The following CCDC141 variants were observed in gnomAD, a reference collection of about 807,000 sequenced individuals.
The protein encoded by CCDC141 is coiled-coil domain containing 141, also known as coiled-coil domain-containing protein 141.
A neutral mutation model predicts 181.0 loss-of-function variants in CCDC141; 168 were observed. The observed-to-expected ratio is 0.93, with a 90% CI of 0.82 to 1.05. The LOEUF is 1.05. CCDC141 is among the 50% of genes least tolerant of loss of function. The pLI is 0.00. For synonymous variants in CCDC141, 666 were observed against 642.3 expected (o/e 1.04, Z -0.56); for missense variants, 1,902 against 1,788.5 (o/e 1.06, Z -1.14).
chr2:179,030,370 T>A (rs2042969141), intron 2 of CCDC141, among the ~76,000 whole-genome samples: 1 of 152,088 alleles, frequency 6.6e-6, no homozygotes. Context: ...AACAAAATCC[T>A]TTTAGCTATT....
At chr2:178,899,053 A>G (rs561462911) in intron 8 of CCDC141, among the ~76,000 whole-genome samples, 3 of 152,290 alleles carry the variant, frequency 2.0e-5, no homozygotes, top group Admixed American at 2.0e-4. Context: ...ACAGTTATAC[A>G]CTGTATAACA....
At chr2:178,820,564 T>A in the CCDC141 span, among the ~76,000 whole-genome samples, 2,222 of 152,324 alleles carry the variant, frequency 0.015, 50 homozygotes, top group African/African-American at 0.05. Context: ...AAGAAAATTG[T>A]GAACTATATT....
chr2:178,974,412 A>G lies in CCDC141; in HGVS notation c.526+645T>C, dbSNP rs2154380313. Among the ~76,000 whole-genome samples, 2 of 152,310 alleles carry G rather than the reference A, an allele frequency of 1.3e-5. 1 individual carries two copies. Among genetic ancestry groups the G allele is most frequent in the African/African-American group, 4.8e-5 (2 of 41,574 alleles). On this transcript the variant is annotated intron_variant, in intron 4 of 23. Coordinates refer to ENST00000443758, the MANE Select transcript of CCDC141 (RefSeq NM_173648.4). ...CCATTGCAAAAGATGACAGGTAACT[A>G]CTACTTTTCCACAAATGCGTTTCCC...
intron 4 of CCDC141, among the ~76,000 whole-genome samples, chr2:178,964,714 C>T (rs1690548903): frequency 6.6e-6 from 1 of 152,090 alleles, no homozygotes; most frequent in Non-Finnish European, 1.5e-5. Flanking sequence ...TTACATTTTC[C>T]TAGCTATTTA....
At chr2:178,877,618 T>C (rs1475550278) in intron 12 of CCDC141, 1 of 310,394 alleles carries the variant, frequency 3.2e-6, no homozygotes, top group African/African-American at 2.2e-5. Flanking sequence ...AAGTTGTCTT[T>C]AGCCCCTAGA....
Position 178,945,612 on chromosome 2 carries a change from T to C in CCDC141, c.781-961A>G, listed in dbSNP as rs138950672. On this transcript the variant is annotated intron_variant, in intron 5 of 23. Transcript: ENST00000443758. ...TGAGTTATTTAAGGTCTTACAGCCC[T>C]GCCATCAGCGGGAATGACTTCAAAT... is the stretch of plus-strand genomic sequence containing the variant. Among the ~76,000 whole-genome samples, 15 of 152,254 alleles carry C rather than the reference T, an allele frequency of 9.9e-5. No homozygotes were observed. The East Asian group carries it at 2.9e-3, about 29-fold the overall frequency.
chr2:178,840,698 G>C (rs1684683603), intron 22 of CCDC141, among the ~76,000 whole-genome samples: 1 of 152,198 alleles, frequency 6.6e-6, no homozygotes, highest in Non-Finnish European at 1.5e-5. Context: ...CAGGCATGAA[G>C]TTTAGGGAAA....
chr2:179,007,862 A>C (rs1170026790), intron 2 of CCDC141, among the ~76,000 whole-genome samples: 1 of 152,224 alleles, frequency 6.6e-6, no homozygotes, highest in Non-Finnish European at 1.5e-5. Flanking sequence ...TATATGTCTG[A>C]ATTAACTACC....
At position 178,855,379 on chromosome 2, in the gene CCDC141, G is replaced by A; in HGVS notation, c.3028C>T (p.Leu1010=). Reference sequence around the variant, plus strand: ...ATCACCTCCTGGAAATGCTCAGTCAGGTCCAAATTCTTCTTGTAATCTGTC... The same window carrying A: ...ATCACCTCCTGGAAATGCTCAGTCAAGTCCAAATTCTTCTTGTAATCTGTC... ...VVTDYKKNLD[L]TEHFQEVIEE... Residue 1010 remains leucine, a synonymous_variant, in exon 19 of 24, where the codon CTG becomes TTG. Coordinates refer to ENST00000443758, the MANE Select transcript of CCDC141 (RefSeq NM_173648.4). 1.2e-6 allele frequency: 2 copies of A among 1,611,870 alleles called. No homozygotes were observed. The highest frequency in any genetic ancestry group is 1.7e-6 in the Non-Finnish European group (2 of 1,179,294).
At chr2:178,920,846 G>A (rs182618816) in intron 6 of CCDC141, among the ~76,000 whole-genome samples, 1 of 152,230 alleles carries the variant, frequency 6.6e-6, no homozygotes, top group East Asian at 1.9e-4. Flanking sequence ...AAAACATTTT[G>A]ATCAATGAAT....
intron 3 of CCDC141, among the ~76,000 whole-genome samples, chr2:178,975,515 A>C (rs1225889171): frequency 6.6e-6 from 1 of 152,152 alleles, no homozygotes. Flanking sequence ...TCAACATTCT[A>C]AGGCACTTAG....
chr2:178,979,015 C>T (rs2154380819), intron 2 of CCDC141, among the ~76,000 whole-genome samples: 1 of 151,962 alleles, frequency 6.6e-6, no homozygotes, highest in East Asian at 1.9e-4. Context: ...AAGAACACAC[C>T]CTGAAGAGTG....
intron 7 of CCDC141, among the ~76,000 whole-genome samples, chr2:178,909,112 T>C (rs1688109704): frequency 6.6e-6 from 1 of 152,154 alleles, no homozygotes; most frequent in African/African-American, 2.4e-5. Flanking sequence ...CACAACATCA[T>C]TGAATGCATG....
intron 17 of CCDC141, among the ~76,000 whole-genome samples, chr2:178,857,460 C>T (rs1003413309): frequency 6.6e-6 from 1 of 152,270 alleles, no homozygotes; most frequent in Admixed American, 6.5e-5. Flanking sequence ...CTAATGACGG[C>T]TATGCTAACT....
Position 178,834,225 on chromosome 2 carries a change from AG to A in CCDC141, c.4540del (p.Leu1514CysfsTer10), listed in dbSNP as rs1473095873. ...LPITRVNWITLCVVYVSVSLM... is the reference protein window; with the variant it reads ...LPITRVNWITXCVVYVSVSLM... ...GGACACACTAACATAGACGACACAC[AG>A]GGTTATCCAGTTTACTCTTGTGATT... On this transcript the variant is annotated frameshift_variant, in exon 24 of 24. Coordinates refer to ENST00000443758, the MANE Select transcript of CCDC141 (RefSeq NM_173648.4). LOFTEE classifies it high-confidence loss of function. 4 of 1,536,266 alleles carry A rather than the reference AG, an allele frequency of 2.6e-6. No homozygotes were observed. In the South Asian group the frequency reaches 4.8e-5, roughly 18 times the overall value.
the CCDC141 span, among the ~76,000 whole-genome samples, chr2:178,821,664 A>T: frequency 3.6e-4 from 55 of 152,344 alleles, 1 homozygote; most frequent in Non-Finnish European, 6.3e-4. Flanking sequence ...AAAAATGCTC[A>T]TCATCACTGG....
At chr2:178,905,232 C>T in intron 8 of CCDC141, 97 bp downstream of exon 8, 1 of 1,147,034 alleles carries the variant, frequency 8.7e-7, no homozygotes, top group Non-Finnish European at 1.2e-6. Flanking sequence ...AGCAAAACAT[C>T]AGAACCAGAA....
intron 7 of CCDC141, among the ~76,000 whole-genome samples, chr2:178,908,911 G>A (rs1688100243): frequency 6.6e-6 from 1 of 152,182 alleles, no homozygotes; most frequent in Non-Finnish European, 1.5e-5. Flanking sequence ...GTAGGTACTT[G>A]GAAAATACTG....
intron 20 of CCDC141, among the ~76,000 whole-genome samples, chr2:178,851,296 C>A (rs955218890): frequency 6.6e-6 from 1 of 151,958 alleles, no homozygotes; most frequent in Non-Finnish European, 1.5e-5. Context: ...TGACTCTACA[C>A]CCTAGGCCAA....
Sources: allele counts gnomAD v4.1 joint callset (sites outside exome capture counted in the v4.1 genomes callset), GRCh38; gene constraint gnomAD v4.1.1; transcripts MANE v1.5; gene names NCBI Gene and HGNC (gene_info 2026-07-23, HGNC 2026-07-21).